The following B4GALT6 variants were observed in gnomAD, a reference collection of about 807,000 sequenced individuals.
The protein encoded by B4GALT6 is beta-1,4-galactosyltransferase 6, also known as UDP-Gal:beta-GlcNAc beta-1,4-galactosyltransferase 6.
In B4GALT6, 14 loss-of-function variants were observed where a neutral mutation model predicts 46.3. The ratio of observed to expected loss-of-function variants is 0.30; its 90% CI spans 0.20 to 0.47. The LOEUF is 0.47. B4GALT6 is among the 20% of genes least tolerant of loss of function. B4GALT6 has a pLI of 0.99. For synonymous variants in B4GALT6, 168 were observed against 162.0 expected (o/e 1.04, Z -0.28); for missense variants, 386 against 480.1 (o/e 0.80, Z 1.83).
the B4GALT6 span, among the ~76,000 whole-genome samples, chr18:31,697,466 T>C: frequency 8.2e-6 from 1 of 121,380 alleles, no homozygotes; most frequent in East Asian, 3.0e-4. Context: ...GCAGCGAGGG[T>C]CGGGGGTGGG....
At chr18:31,672,879 C>CA (rs2074372421) in intron 1 of B4GALT6, among the ~76,000 whole-genome samples, 2 of 152,102 alleles carry the variant, frequency 1.3e-5, no homozygotes, top group Non-Finnish European at 2.9e-5. Context: ...AAAAAGCCTA[C>CA]AGGAGATCAC....
chr18:31,627,164 A>C (rs1280756044), intron 6 of B4GALT6, 43 bp from the exon 7 acceptor site: 1 of 1,543,008 alleles, frequency 6.5e-7, no homozygotes, highest in South Asian at 1.2e-5. Flanking sequence ...AAATCATAAT[A>C]ATTTCCCATG....
chr18:31,684,825 G>C (rs938693505), upstream of B4GALT6: 1 of 978,454 alleles, frequency 1.0e-6, no homozygotes, highest in East Asian at 1.0e-4. Flanking sequence ...CCTGCGGAGA[G>C]GGGCAGCTAA....
At chr18:31,682,254 G>A (rs2074488320) in intron 1 of B4GALT6, among the ~76,000 whole-genome samples, 1 of 152,082 alleles carries the variant, frequency 6.6e-6, no homozygotes, top group South Asian at 2.1e-4. Flanking sequence ...TCTGAATTTT[G>A]GAAAACTGCT....
chr18:31,642,141 TAG>T (rs1196432838), intron 4 of B4GALT6, among the ~76,000 whole-genome samples: 1 of 152,200 alleles, frequency 6.6e-6, no homozygotes, highest in African/African-American at 2.4e-5. Context: ...TTCCCACCAA[TAG>T]AATCAGAATG....
At chr18:31,673,799 C>G (rs182234528) in intron 1 of B4GALT6, among the ~76,000 whole-genome samples, 1 of 152,180 alleles carries the variant, frequency 6.6e-6, no homozygotes, top group Non-Finnish European at 1.5e-5. Flanking sequence ...AGAAAGGGGT[C>G]TTTCCAGATG....
the B4GALT6 span, among the ~76,000 whole-genome samples, chr18:31,721,605 T>C: frequency 6.6e-6 from 1 of 152,240 alleles, no homozygotes; most frequent in African/African-American, 2.4e-5. Context: ...CAGGCTACCC[T>C]TGATAATGTC....
chr18:31,627,106 T>A lies in B4GALT6; in HGVS notation c.792A>T (p.Glu264Asp). Residue 264 changes from glutamate to aspartate, a missense_variant, in exon 7 of 9, where the codon GAA becomes GAT. Coordinates refer to ENST00000306851, the MANE Select transcript of B4GALT6 (RefSeq NM_004775.5). ...TCAGCCCACTTACACCACCAAAAAA[T>A]TCTTTATATGGAAGACTAGAAAAGA... ...DKYMYILPYK[E>D]FFGGVSGLTV... 6.2e-7 allele frequency: 1 copy of A among 1,603,408 alleles called. No individual in the cohort carries two copies. Among genetic ancestry groups the A allele is most frequent in the South Asian group, 1.1e-5 (1 of 88,046 alleles).
At chr18:31,663,225 A>G (rs990593444) in intron 2 of B4GALT6, among the ~76,000 whole-genome samples, 12 of 152,214 alleles carry the variant, frequency 7.9e-5, no homozygotes, top group Admixed American at 6.5e-4. Flanking sequence ...GCGAAACAGC[A>G]GCTTAAAACA....
chr18:31,684,509 G>A lies in B4GALT6; in HGVS notation c.-83C>T. The A allele has an allele frequency of 6.4e-7, 1 of 1,551,278 alleles. No individual in the cohort carries two copies. Among genetic ancestry groups the A allele is most frequent in the Non-Finnish European group, 8.7e-7 (1 of 1,149,238 alleles). ...GTCCAGGCCCTAAACTTCCATAAATGTGCTGAGAACCCCGAGACTGCAGCG... is the reference window on the plus strand; with the variant it reads ...GTCCAGGCCCTAAACTTCCATAAATATGCTGAGAACCCCGAGACTGCAGCG... On this transcript the variant is annotated 5_prime_UTR_variant, in exon 1 of 9. Coordinates refer to ENST00000306851, the MANE Select transcript of B4GALT6 (RefSeq NM_004775.5).
chr18:31,710,100 AAAAAAAAAGAAAAG>A, the B4GALT6 span, among the ~76,000 whole-genome samples: 1 of 151,882 alleles, frequency 6.6e-6, no homozygotes, highest in Non-Finnish European at 1.5e-5. Context: ...ATCTCAAAAA[AAAAAAAAAGAAAAG>A]AAAAAAATAA....
At chr18:31,637,642 G>C (rs963137827) in intron 5 of B4GALT6, among the ~76,000 whole-genome samples, 1 of 151,982 alleles carries the variant, frequency 6.6e-6, no homozygotes, top group African/African-American at 2.4e-5. Context: ...TGATTTTCAG[G>C]GATAGCCAGC....
chr18:31,649,427 C>A (rs1176922091), intron 3 of B4GALT6, among the ~76,000 whole-genome samples: 1 of 152,162 alleles, frequency 6.6e-6, no homozygotes, highest in African/African-American at 2.4e-5. Flanking sequence ...CACCTACCTG[C>A]ATTTCTACTC....
At chr18:31,668,671 A>G (rs1465472572) in intron 1 of B4GALT6, among the ~76,000 whole-genome samples, 1 of 152,060 alleles carries the variant, frequency 6.6e-6, no homozygotes, top group Admixed American at 6.5e-5. Context: ...TAAGCCCTTA[A>G]AAGTTTGAAT....
chr18:31,723,251 T>TA, the B4GALT6 span, among the ~76,000 whole-genome samples: 1 of 152,208 alleles, frequency 6.6e-6, no homozygotes. Context: ...CTACATTCAT[T>TA]ATCCCATGAA....
the B4GALT6 span, among the ~76,000 whole-genome samples, chr18:31,722,159 CA>C: frequency 2.0e-5 from 3 of 151,118 alleles, no homozygotes; most frequent in African/African-American, 4.9e-5. Flanking sequence ...CAACCATAAA[CA>C]AAAAAAAGCT....
upstream of B4GALT6, among the ~76,000 whole-genome samples, chr18:31,690,136 G>A (rs2030060654): frequency 6.6e-6 from 1 of 151,996 alleles, no homozygotes. Flanking sequence ...TTTTTTGTTT[G>A]TCTGTTTTAT....
upstream of B4GALT6, among the ~76,000 whole-genome samples, chr18:31,688,115 C>G (rs2029989124): frequency 6.6e-6 from 1 of 151,720 alleles, no homozygotes; most frequent in Non-Finnish European, 1.5e-5. Flanking sequence ...GCATCTGAGA[C>G]TCAGCTAAAG....
chr18:31,630,872 G>A, intron 6 of B4GALT6, 87 bp downstream of exon 6: 1 of 1,427,166 alleles, frequency 7.0e-7, no homozygotes, highest in Non-Finnish European at 9.7e-7. Flanking sequence ...AGTTCTCTCA[G>A]ATTTAGGGAC....
Sources: gnomAD v4.1 joint callset for allele counts (sites outside exome capture counted in the v4.1 genomes callset) on GRCh38, gnomAD v4.1.1 for gene constraint, MANE v1.5 for transcripts, NCBI Gene and HGNC (gene_info 2026-07-23, HGNC 2026-07-21) for gene names.